Variants in GRIA1 observed in about 807,000 individuals in gnomAD.
GRIA1 encodes glutamate ionotropic receptor AMPA type subunit 1, also known as glutamate receptor 1.
A neutral mutation model predicts 99.2 loss-of-function variants in GRIA1; 31 were observed. The ratio of observed to expected loss-of-function variants is 0.31; its 90% CI spans 0.23 to 0.42. The LOEUF (loss-of-function observed/expected upper bound fraction) is 0.42. Ranked by LOEUF, GRIA1 falls within the 10% of genes least tolerant of loss-of-function variation. The pLI is 1.00. For synonymous variants in GRIA1, 438 were observed against 432.4 expected (o/e 1.01, Z -0.16); for missense variants, 782 against 1,157.5 (o/e 0.68, Z 4.71).
chr5:153,540,645 G>A (rs9324751), intron 2 of GRIA1, among the ~76,000 whole-genome samples: 18,936 of 152,044 alleles, frequency 0.12, 1,243 homozygotes, highest in Middle Eastern at 0.14. Flanking sequence ...AGATGAACAA[G>A]GTCTCTTTTC....
chr5:153,797,712 G>A (rs916898855), intron 14 of GRIA1, among the ~76,000 whole-genome samples: 24 of 152,118 alleles, frequency 1.6e-4, no homozygotes, highest in Admixed American at 6.5e-4. Context: ...GATGTTCTGC[G>A]GTGCATTGTA....
intron 2 of GRIA1, among the ~76,000 whole-genome samples, chr5:153,577,551 TC>T (rs1292925480): frequency 6.6e-6 from 1 of 152,184 alleles, no homozygotes; most frequent in Non-Finnish European, 1.5e-5. Flanking sequence ...CTTGCTCACT[TC>T]CATCCCAAAG....
chr5:153,539,841 T>C (rs949874836), intron 2 of GRIA1, among the ~76,000 whole-genome samples: 2 of 152,036 alleles, frequency 1.3e-5, no homozygotes, highest in Non-Finnish European at 2.9e-5. Flanking sequence ...AACTGAAGAG[T>C]AGAACTGAAC....
chr5:153,604,601 T>G (rs1300401475), intron 2 of GRIA1, among the ~76,000 whole-genome samples: 2 of 152,162 alleles, frequency 1.3e-5, no homozygotes, highest in Non-Finnish European at 2.9e-5. Flanking sequence ...CTATACACTG[T>G]CTCTCCAAAC....
At chr5:153,695,101 TGG>T (rs1436883253) in intron 8 of GRIA1, among the ~76,000 whole-genome samples, 3 of 152,350 alleles carry the variant, frequency 2.0e-5, no homozygotes, top group Non-Finnish European at 4.4e-5. Context: ...CCACAAGACC[TGG>T]GTTCTATGTT....
At chr5:153,600,099 T>A (rs1229687674) in intron 2 of GRIA1, among the ~76,000 whole-genome samples, 1 of 151,854 alleles carries the variant, frequency 6.6e-6, no homozygotes, top group South Asian at 2.1e-4. Flanking sequence ...GTAATAGAAG[T>A]ATGGAGTCTG....
At chr5:153,666,116 A>T (rs1347352299) in intron 5 of GRIA1, among the ~76,000 whole-genome samples, 1 of 152,190 alleles carries the variant, frequency 6.6e-6, no homozygotes, top group Non-Finnish European at 1.5e-5. Flanking sequence ...GACCTCTTTG[A>T]TCCACAAGAC....
At chr5:153,750,184 A>G (rs1386213900) in intron 11 of GRIA1, among the ~76,000 whole-genome samples, 1 of 152,134 alleles carries the variant, frequency 6.6e-6, no homozygotes, top group Non-Finnish European at 1.5e-5. Context: ...GGCCAGCACT[A>G]ATTACCCTGG....
chr5:153,727,950 G>C (rs1349192513), intron 11 of GRIA1, among the ~76,000 whole-genome samples: 1 of 151,502 alleles, frequency 6.6e-6, no homozygotes, highest in African/African-American at 2.4e-5. Context: ...AAAGAACAAA[G>C]CTGGAGGCAT....
At chr5:153,671,586 G>A (rs949775682) in intron 5 of GRIA1, among the ~76,000 whole-genome samples, 12 of 152,274 alleles carry the variant, frequency 7.9e-5, no homozygotes, top group African/African-American at 2.9e-4. Context: ...TGTGGAACAC[G>A]TTAAACTCAA....
intron 2 of GRIA1, among the ~76,000 whole-genome samples, chr5:153,599,991 G>A (rs768908942): frequency 6.6e-6 from 1 of 152,068 alleles, no homozygotes; most frequent in East Asian, 1.9e-4. Flanking sequence ...GGGAGATGAA[G>A]CCCGCTAGAT....
chr5:153,579,004 A>T (rs1221944606), intron 2 of GRIA1, among the ~76,000 whole-genome samples: 5 of 121,762 alleles, frequency 4.1e-5, no homozygotes, highest in Admixed American at 9.0e-5. Context: ...TAAACTACTG[A>T]TTGTCCTTCC....
At chr5:153,502,601 T>A (rs1430901614) in intron 2 of GRIA1, among the ~76,000 whole-genome samples, 1 of 152,166 alleles carries the variant, frequency 6.6e-6, no homozygotes, top group Non-Finnish European at 1.5e-5. Context: ...TTGCCATTGA[T>A]GTATGAGCCT....
At chr5:153,646,089 G>A (rs1754127700) in intron 2 of GRIA1, among the ~76,000 whole-genome samples, 1 of 152,164 alleles carries the variant, frequency 6.6e-6, no homozygotes, top group Non-Finnish European at 1.5e-5. Flanking sequence ...GGTCTTATTA[G>A]CATCGTATTT....
At chr5:153,751,815 T>C (rs1581596068) in intron 11 of GRIA1, among the ~76,000 whole-genome samples, 1 of 152,344 alleles carries the variant, frequency 6.6e-6, no homozygotes. Context: ...ACATACACTA[T>C]TTTGTTAACA....
chr5:153,744,463 T>G (rs1312108508), intron 11 of GRIA1, among the ~76,000 whole-genome samples: 4 of 152,198 alleles, frequency 2.6e-5, no homozygotes, highest in Admixed American at 2.6e-4. Flanking sequence ...TGAAATCAGT[T>G]TATTCACTCA....
At chr5:153,539,015 G>A (rs964981272) in intron 2 of GRIA1, among the ~76,000 whole-genome samples, 3 of 152,144 alleles carry the variant, frequency 2.0e-5, no homozygotes, top group African/African-American at 7.2e-5. Context: ...ACACTGGCTG[G>A]GTTTGTGAAC....
chr5:153,705,391 G>A (rs1434198003), intron 10 of GRIA1, among the ~76,000 whole-genome samples: 1 of 152,160 alleles, frequency 6.6e-6, no homozygotes, highest in Non-Finnish European at 1.5e-5. Flanking sequence ...GGAAGGGAGT[G>A]GGGCTGCTGA....
At chr5:153,809,491 AG>A (rs553547030) in intron 15 of GRIA1, among the ~76,000 whole-genome samples, 12 of 152,228 alleles carry the variant, frequency 7.9e-5, no homozygotes, top group Non-Finnish European at 1.8e-4. Flanking sequence ...CAAGGATAGC[AG>A]GGGAAAAAAA....
Sources: gnomAD v4.1 joint callset for allele counts (sites outside exome capture counted in the v4.1 genomes callset) on GRCh38, gnomAD v4.1.1 for gene constraint, MANE v1.5 for transcripts, NCBI Gene and HGNC (gene_info 2026-07-23, HGNC 2026-07-21) for gene names.